The following GSK3B variants were observed in gnomAD, a reference collection of about 807,000 sequenced individuals.
GSK3B encodes the protein glycogen synthase kinase 3 beta.
In GSK3B, 15 loss-of-function variants were observed where a neutral mutation model predicts 56.4. The ratio of observed to expected loss-of-function variants is 0.27; its 90% CI spans 0.18 to 0.41. GSK3B has a LOEUF of 0.41. Ranked by LOEUF, GSK3B falls within the 10% of genes least tolerant of loss-of-function variation. The pLI, the probability that GSK3B is intolerant of heterozygous loss-of-function variation, is 1.00. For missense variants in GSK3B, 300 were observed against 513.4 expected (o/e 0.58, Z 4.02); for synonymous variants, 181 against 188.9 (o/e 0.96, Z 0.34).
intron 1 of GSK3B, among the ~76,000 whole-genome samples, chr3:120,078,914 T>C (rs999173006): frequency 2.2e-5 from 3 of 138,320 alleles, no homozygotes; most frequent in South Asian, 2.4e-4. Context: ...GACAGGAAAT[T>C]ACACACACAC....
chr3:120,045,528 C>A (rs1434683254), intron 1 of GSK3B, among the ~76,000 whole-genome samples: 1 of 152,108 alleles, frequency 6.6e-6, no homozygotes, highest in African/African-American at 2.4e-5. Flanking sequence ...CACAAGTAGC[C>A]AATCAAGTCA....
chr3:119,890,029 G>A lies in GSK3B; in HGVS notation c.814-13521C>T, dbSNP rs147945482. On this transcript the variant is annotated intron_variant, in intron 7 of 10. Transcript: ENST00000264235. The stretch of plus-strand genomic sequence containing the variant: ...TGTGTTGATGAGAATGTGAAGCACT[G>A]GAATTCTGATGTGTTGTTGGTGGGA... Among the ~76,000 whole-genome samples the A allele has an allele frequency of 3.8e-3, 577 of 152,158 alleles. 2 individuals are homozygous for A. The highest frequency in any genetic ancestry group is 0.017 in the Middle Eastern group (5 of 294).
At chr3:120,039,356 T>C (rs2107529921) in intron 1 of GSK3B, among the ~76,000 whole-genome samples, 1 of 152,362 alleles carries the variant, frequency 6.6e-6, no homozygotes, top group South Asian at 2.1e-4. Context: ...TTTACACAAG[T>C]GAGTTGAAAA....
intron 3 of GSK3B, among the ~76,000 whole-genome samples, chr3:119,925,255 G>T (rs972667281): frequency 6.6e-6 from 1 of 152,176 alleles, no homozygotes; most frequent in African/African-American, 2.4e-5. Context: ...CTTCAGCCTG[G>T]GAGGCAAAGG....
At position 119,862,667 on chromosome 3, in the gene GSK3B, GTTTTTTTTT is replaced by G. The variant is rs79778347; in HGVS notation, c.1096+743_1096+751del. ...CTAATCAATATATCAACTATTTCTT[GTTTTTTTTT>G]TTTTTTTTTTGTAATGAATTGTACA... On this transcript the variant is annotated intron_variant, in intron 9 of 10. Coordinates refer to ENST00000264235, the MANE Select transcript of GSK3B (RefSeq NM_001146156.2). 1.5e-4 allele frequency among the ~76,000 whole-genome samples: 17 copies of G among 110,398 alleles called. No homozygotes were observed. In the East Asian group the frequency reaches 1.7e-3, roughly 11 times the overall value. 72.4% of individuals were successfully genotyped at this position (110,398 alleles called of 152,430 possible).
At chr3:119,843,386 C>G in intron 9 of GSK3B, 33 bp from the exon 10 acceptor site, 1 of 1,186,718 alleles carries the variant, frequency 8.4e-7, no homozygotes, top group African/African-American at 1.5e-5. Context: ...TGTTAGAGTC[C>G]ACTCTTAACT....
intron 1 of GSK3B, chr3:120,041,377 T>G: frequency 3.2e-6 from 1 of 316,608 alleles, no homozygotes. Flanking sequence ...AAGATGGTGG[T>G]GAGCACAGGA....
chr3:120,004,602 C>T (rs1440225914), intron 1 of GSK3B, among the ~76,000 whole-genome samples: 1 of 152,186 alleles, frequency 6.6e-6, no homozygotes, highest in African/African-American at 2.4e-5. Flanking sequence ...TGCTGTTCTG[C>T]AGCCTCCTCT....
intron 1 of GSK3B, among the ~76,000 whole-genome samples, chr3:120,074,068 G>T (rs1223641442): frequency 6.6e-6 from 1 of 152,142 alleles, no homozygotes; most frequent in East Asian, 1.9e-4. Flanking sequence ...ACTATGGGAG[G>T]CCGAGGTGGA....
intron 1 of GSK3B, among the ~76,000 whole-genome samples, chr3:120,079,323 CACACACACACA>C (rs1219380871): frequency 2.1e-5 from 3 of 145,102 alleles, no homozygotes; most frequent in African/African-American, 7.9e-5. Flanking sequence ...CACACACACA[CACACACACACA>C]CACACACACA....
At chr3:119,953,495 C>T (rs1442266143) in intron 2 of GSK3B, among the ~76,000 whole-genome samples, 1 of 152,074 alleles carries the variant, frequency 6.6e-6, no homozygotes, top group Non-Finnish European at 1.5e-5. Context: ...AAATGATATA[C>T]AATACAAACA....
intron 2 of GSK3B, among the ~76,000 whole-genome samples, chr3:119,961,233 G>C (rs2057268546): frequency 6.6e-6 from 1 of 152,056 alleles, no homozygotes; most frequent in Admixed American, 6.6e-5. Flanking sequence ...ACAGGGCCAG[G>C]CTTGAAAATA....
At chr3:119,985,261 CT>C (rs1219994240) in intron 2 of GSK3B, among the ~76,000 whole-genome samples, 6 of 152,188 alleles carry the variant, frequency 3.9e-5, no homozygotes, top group Non-Finnish European at 8.8e-5. Flanking sequence ...GAAGCATTCC[CT>C]TTGAAAACCA....
intron 2 of GSK3B, among the ~76,000 whole-genome samples, chr3:119,947,652 T>C (rs577471625): frequency 2.6e-5 from 4 of 152,238 alleles, no homozygotes; most frequent in Admixed American, 2.0e-4. Flanking sequence ...CCATATTTTA[T>C]ATTTTTAAAA....
intron 4 of GSK3B, 50 bp from the exon 5 acceptor site, chr3:119,916,224 C>A: frequency 1.3e-6 from 2 of 1,481,498 alleles, no homozygotes; most frequent in Non-Finnish European, 1.9e-6. Context: ...CTAAACAAAT[C>A]AGAATCCTTA....
intron 7 of GSK3B, among the ~76,000 whole-genome samples, chr3:119,903,831 T>A (rs2056650129): frequency 6.6e-6 from 1 of 152,110 alleles, no homozygotes; most frequent in Admixed American, 6.5e-5. Context: ...CCCACAGAAT[T>A]GTAGCATGGT....
chr3:119,932,311 C>T (rs908711580), intron 3 of GSK3B, among the ~76,000 whole-genome samples: 5 of 152,228 alleles, frequency 3.3e-5, no homozygotes, highest in African/African-American at 7.2e-5. Flanking sequence ...CTGATGGGTA[C>T]GCCAGGCTGG....
In GSK3B at chr3:119,825,713, G is replaced by A. The variant is rs2055493623; in HGVS notation, c.*1075C>T. On this transcript the variant is annotated 3_prime_UTR_variant, in exon 11 of 11. Transcript: ENST00000264235. ...AAATTAGAACTATGTGTAGAATGTG[G>A]CTATTTCTGCAAGCTCAATTTTCAA... 1 of 225,134 alleles carries A rather than the reference G, an allele frequency of 4.4e-6. No homozygotes were observed. Among genetic ancestry groups the A allele is most frequent in the Non-Finnish European group, 8.8e-6 (1 of 113,202 alleles). The allele number at this position is 225,134 out of a possible 1,614,324, so 13.9% of individuals were successfully genotyped here. A position where few individuals can be genotyped will look rare whatever the true frequency, so the allele number is the denominator to read the frequency against.
At chr3:119,989,626 C>T (rs1475615542) in intron 2 of GSK3B, among the ~76,000 whole-genome samples, 13 of 146,250 alleles carry the variant, frequency 8.9e-5, no homozygotes, top group African/African-American at 3.3e-4. Flanking sequence ...GTCTGGGTGA[C>T]GGAGCAAGAG....
Sources: gnomAD v4.1 joint callset for allele counts (sites outside exome capture counted in the v4.1 genomes callset) on GRCh38, gnomAD v4.1.1 for gene constraint, MANE v1.5 for transcripts, NCBI Gene and HGNC (gene_info 2026-07-23, HGNC 2026-07-21) for gene names.